Variants in PCBP3 observed in about 807,000 individuals in gnomAD.
PCBP3 encodes the protein poly(rC)-binding protein 3.
Under a neutral mutation model 52.7 loss-of-function variants are expected in PCBP3, and 25 were observed. The observed-to-expected ratio is 0.47, with a 90% CI of 0.35 to 0.66. PCBP3 has a LOEUF of 0.66. Ranked by LOEUF, PCBP3 falls within the 30% of genes least tolerant of loss-of-function variation. The probability of loss-of-function intolerance (pLI) is 0.01; values close to 1 mark genes in which losing one functional copy is unlikely to be tolerated. For missense variants in PCBP3, 391 were observed against 490.3 expected (o/e 0.80, Z 1.91); for synonymous variants, 162 against 183.0 (o/e 0.89, Z 0.93).
chr21:45,785,995 C>A (rs1198236515), intron 4 of PCBP3, among the ~76,000 whole-genome samples: 1 of 150,060 alleles, frequency 6.7e-6, no homozygotes, highest in Non-Finnish European at 1.5e-5. Context: ...ACAAACACTG[C>A]GGAAGGCCGC....
chr21:45,899,613 C>G lies in PCBP3; in HGVS notation c.180C>G (p.Ile60Met). Residue 60 changes from isoleucine to methionine, a missense_variant, in exon 7 of 18, where the codon ATC becomes ATG. Physicochemically the swap from Ile to Met is conservative, Grantham distance 10. Transcript: ENST00000681687. The part of the protein sequence containing the change: ...LLMHGKEVGS[I>M]IGKKGETVKK... ...TTTTCTTGCAGGAAGTTGGAAGCATCATCGGGAAGGTAATTATTGATTGAA... is the reference window on the plus strand; with the variant it reads ...TTTTCTTGCAGGAAGTTGGAAGCATGATCGGGAAGGTAATTATTGATTGAA... The G allele has an allele frequency of 6.2e-7, 1 of 1,610,096 alleles. No individual in the cohort carries two copies. Among genetic ancestry groups the G allele is most frequent in the Non-Finnish European group, 8.5e-7 (1 of 1,176,482 alleles).
chr21:45,757,457 T>G (rs2088170623), intron 4 of PCBP3, among the ~76,000 whole-genome samples: 1 of 152,242 alleles, frequency 6.6e-6, no homozygotes, highest in Non-Finnish European at 1.5e-5. Flanking sequence ...GCTATCAGTT[T>G]TCTTTCATTT....
chr21:45,662,348 T>C lies in PCBP3; in HGVS notation c.-278-6526T>C, dbSNP rs531212044. ...ATTGCTTAGGCTGGTCCTGAGCTCCTGGGCTCAAGCAATCTGCCTGCCTTC... is the reference window on the plus strand; with the variant it reads ...ATTGCTTAGGCTGGTCCTGAGCTCCCGGGCTCAAGCAATCTGCCTGCCTTC... On this transcript the variant is annotated intron_variant, in intron 1 of 17. Transcript: ENST00000681687. Among the ~76,000 whole-genome samples the C allele has an allele frequency of 3.6e-5, 5 of 139,086 alleles. No homozygotes were observed. In the South Asian group the frequency reaches 1.2e-3, roughly 33 times the overall value. 91.2% of individuals were successfully genotyped at this position (139,086 alleles called of 152,430 possible). A position where few individuals can be genotyped will look rare whatever the true frequency, so the allele number is the denominator to read the frequency against.
chr21:45,778,764 C>T (rs748204036), intron 4 of PCBP3, among the ~76,000 whole-genome samples: 12 of 152,116 alleles, frequency 7.9e-5, no homozygotes, highest in Non-Finnish European at 1.8e-4. Context: ...TGAAATTGGG[C>T]TGGGTGGGCT....
intron 5 of PCBP3, among the ~76,000 whole-genome samples, chr21:45,857,961 C>T (rs940146271): frequency 3.3e-5 from 5 of 152,126 alleles, no homozygotes; most frequent in African/African-American, 1.2e-4. Context: ...GGGGTGTTGC[C>T]TCCCCCCACA....
At position 45,911,201 on chromosome 21, in the gene PCBP3, C is replaced by T. The variant is rs747656431; in HGVS notation, c.600+171C>T. ...GAGAGCGGTGCCGGTATGGGCGCCA[C>T]AGGGGTGCTGGGGCTGCCAGCTCAG... On this transcript the variant is annotated intron_variant, in intron 11 of 17. Coordinates refer to ENST00000681687, the MANE Select transcript of PCBP3 (RefSeq NM_001384156.1). 38 of 745,244 alleles carry T rather than the reference C, an allele frequency of 5.1e-5. No individual in the cohort carries two copies. The East Asian group carries it at 7.0e-4, about 14-fold the overall frequency. 46.2% of individuals were successfully genotyped at this position (745,244 alleles called of 1,614,324 possible). A position where few individuals can be genotyped will look rare whatever the true frequency, so the allele number is the denominator to read the frequency against.
chr21:45,863,726 C>A (rs1450150614), intron 5 of PCBP3, among the ~76,000 whole-genome samples: 1 of 152,154 alleles, frequency 6.6e-6, no homozygotes, highest in Non-Finnish European at 1.5e-5. Context: ...CAAACCTGAT[C>A]GTTCCCAGCC....
chr21:45,907,225 C>T (rs2096233481), intron 9 of PCBP3, among the ~76,000 whole-genome samples: 1 of 152,164 alleles, frequency 6.6e-6, no homozygotes, highest in African/African-American at 2.4e-5. Context: ...TGGTGAGGGG[C>T]GCCTAGCTCT....
At chr21:45,818,626 C>T (rs191484977) in intron 4 of PCBP3, among the ~76,000 whole-genome samples, 1 of 152,368 alleles carries the variant, frequency 6.6e-6, no homozygotes, top group East Asian at 1.9e-4. Flanking sequence ...ACTAAAATCT[C>T]TCTAACCGTG....
chr21:45,652,442 C>CTTT (rs377230019), intron 1 of PCBP3, among the ~76,000 whole-genome samples: 5 of 135,614 alleles, frequency 3.7e-5, no homozygotes, highest in African/African-American at 1.1e-4. Context: ...ATTCTGATGG[C>CTTT]TTTTTTTTTT....
At chr21:45,898,364 T>C (rs867192264) in intron 6 of PCBP3, among the ~76,000 whole-genome samples, 3 of 38,534 alleles carry the variant, frequency 7.8e-5, no homozygotes, top group Non-Finnish European at 1.5e-4. Flanking sequence ...CCTCATGGTC[T>C]CCCTCTGCAC....
chr21:45,886,082 C>T (rs2095509746), intron 5 of PCBP3, among the ~76,000 whole-genome samples: 1 of 151,964 alleles, frequency 6.6e-6, no homozygotes. Flanking sequence ...GTACCAAGGG[C>T]AGAGGACGTG....
intron 5 of PCBP3, chr21:45,894,059 C>T (rs947970594): frequency 3.4e-5 from 33 of 983,946 alleles, no homozygotes; most frequent in Middle Eastern, 5.2e-4. Context: ...GATGCCTCGT[C>T]CACCCTGGCC....
intron 1 of PCBP3, among the ~76,000 whole-genome samples, chr21:45,663,839 G>A (rs2080582849): frequency 6.6e-6 from 1 of 151,874 alleles, no homozygotes; most frequent in Non-Finnish European, 1.5e-5. Flanking sequence ...TTTTGATTTG[G>A]TTATTTGGGC....
intron 12 of PCBP3, 93 bp downstream of exon 12, chr21:45,914,118 C>T (rs1205843351): frequency 3.1e-6 from 5 of 1,595,474 alleles, no homozygotes; most frequent in East Asian, 2.3e-5. Context: ...GGTTTTCTCG[C>T]CTTCTCACGT....
intron 4 of PCBP3, among the ~76,000 whole-genome samples, chr21:45,758,487 C>CA (rs2088293899): frequency 6.6e-6 from 1 of 152,138 alleles, no homozygotes; most frequent in South Asian, 2.1e-4. Flanking sequence ...TTTCTTTCAA[C>CA]ATGTTTGATA....
intron 15 of PCBP3, among the ~76,000 whole-genome samples, chr21:45,934,441 G>A (rs932549981): frequency 6.6e-6 from 1 of 152,212 alleles, no homozygotes; most frequent in African/African-American, 2.4e-5. Flanking sequence ...TTATCTGATG[G>A]TACTAAGTGG....
intron 4 of PCBP3, among the ~76,000 whole-genome samples, chr21:45,810,416 T>A (rs949097829): frequency 6.7e-6 from 1 of 150,354 alleles, no homozygotes; most frequent in Non-Finnish European, 1.5e-5. Flanking sequence ...CAGTACACCA[T>A]CATGCCTGGC....
intron 4 of PCBP3, among the ~76,000 whole-genome samples, chr21:45,840,314 A>G (rs12106367): frequency 0.75 from 113,336 of 151,246 alleles, 42,971 homozygotes; most frequent in East Asian, 0.93. Context: ...AAAATTAGCC[A>G]GGCATGGTGG....
Sources: gnomAD v4.1 joint callset for allele counts (sites outside exome capture counted in the v4.1 genomes callset) on GRCh38, gnomAD v4.1.1 for gene constraint, MANE v1.5 for transcripts, NCBI Gene and HGNC (gene_info 2026-07-23, HGNC 2026-07-21) for gene names.